Variants in STPG2 observed in about 807,000 individuals in gnomAD.
STPG2 encodes the protein sperm-tail PG-rich repeat-containing protein 2.
A neutral mutation model predicts 54.2 loss-of-function variants in STPG2; 56 were observed. The ratio of observed to expected loss-of-function variants is 1.03; its 90% CI spans 0.83 to 1.29. The LOEUF is 1.29. STPG2 is among the 50% of genes most tolerant of loss of function. The pLI, the probability that STPG2 is intolerant of heterozygous loss-of-function variation, is 0.00. For synonymous variants in STPG2, 200 were observed against 181.8 expected, an observed-to-expected ratio of 1.10 and a Z score of -0.81; for missense variants, 596 against 544.9, an observed-to-expected ratio of 1.09 and a Z score of -0.93.
At chr4:97,913,745 C>T (rs951811402) in intron 8 of STPG2, among the ~76,000 whole-genome samples, 1 of 152,036 alleles carries the variant, frequency 6.6e-6, no homozygotes, top group Non-Finnish European at 1.5e-5. Flanking sequence ...CAATAGGTTT[C>T]AAATTTTAAA....
intron 5 of STPG2, among the ~76,000 whole-genome samples, chr4:98,009,890 G>A (rs1437105161): frequency 6.6e-6 from 1 of 151,718 alleles, no homozygotes; most frequent in Non-Finnish European, 1.5e-5. Context: ...TCAGTTTGTT[G>A]GCATATAGTT....
At chr4:97,829,651 T>C (rs1728383080) in intron 9 of STPG2, among the ~76,000 whole-genome samples, 1 of 152,054 alleles carries the variant, frequency 6.6e-6, no homozygotes, top group Non-Finnish European at 1.5e-5. Flanking sequence ...AATTGTTAAA[T>C]AGAATAACCA....
chr4:97,632,889 T>A (rs1391222771), intron 10 of STPG2, among the ~76,000 whole-genome samples: 1 of 152,162 alleles, frequency 6.6e-6, no homozygotes, highest in Admixed American at 6.5e-5. Context: ...CAATTATTCA[T>A]TCAACAACAA....
intron 5 of STPG2, among the ~76,000 whole-genome samples, chr4:98,099,988 A>G (rs1171744250): frequency 6.6e-6 from 1 of 152,160 alleles, no homozygotes; most frequent in Non-Finnish European, 1.5e-5. Context: ...GCATACCTAT[A>G]TCAAAATAGC....
At chr4:97,682,705 C>A (rs972952406) in intron 10 of STPG2, among the ~76,000 whole-genome samples, 1 of 151,732 alleles carries the variant, frequency 6.6e-6, no homozygotes, top group African/African-American at 2.4e-5. Flanking sequence ...TATCCATCAC[C>A]ATTATCAGAT....
At chr4:97,797,702 C>T (rs925472281) in intron 9 of STPG2, among the ~76,000 whole-genome samples, 31 of 152,058 alleles carry the variant, frequency 2.0e-4, no homozygotes, top group Admixed American at 5.2e-4. Context: ...GCTGGCCTCA[C>T]AAATGAGTTA....
At chr4:97,553,140 A>G (rs191505016) in intron 4 of STPG2, among the ~76,000 whole-genome samples, 41 of 152,240 alleles carry the variant, frequency 2.7e-4, no homozygotes, top group Non-Finnish European at 4.7e-4. Flanking sequence ...CTTACATTCT[A>G]TTTCTTTATG....
At chr4:98,016,058 G>T (rs1458050724) in intron 5 of STPG2, among the ~76,000 whole-genome samples, 1 of 152,132 alleles carries the variant, frequency 6.6e-6, no homozygotes, top group Non-Finnish European at 1.5e-5. Flanking sequence ...GGCCTGTGTG[G>T]GGGTGGAAGG....
chr4:97,951,149 ACACTCCTGACT>A (rs1340761213), intron 7 of STPG2, among the ~76,000 whole-genome samples: 1 of 152,148 alleles, frequency 6.6e-6, no homozygotes, highest in Non-Finnish European at 1.5e-5. Flanking sequence ...CAACCAATCA[ACACTCCTGACT>A]CACTGTCCCC....
intron 9 of STPG2, among the ~76,000 whole-genome samples, chr4:97,754,925 C>T (rs1725685045): frequency 6.6e-6 from 1 of 152,090 alleles, no homozygotes; most frequent in Non-Finnish European, 1.5e-5. Context: ...GAACCACAAC[C>T]ATGACACAGA....
At chr4:97,856,785 G>A (rs1257596057) in intron 8 of STPG2, among the ~76,000 whole-genome samples, 1 of 152,140 alleles carries the variant, frequency 6.6e-6, no homozygotes, top group Non-Finnish European at 1.5e-5. Context: ...GTACAATATT[G>A]GCTGTGGGTT....
chr4:98,023,767 G>A (rs1426078918), intron 5 of STPG2, among the ~76,000 whole-genome samples: 1 of 152,144 alleles, frequency 6.6e-6, no homozygotes, highest in Non-Finnish European at 1.5e-5. Context: ...CTGCCACCTT[G>A]CAGTTTGATC....
chr4:97,586,183 GA>G (rs1319212865), intron 10 of STPG2, among the ~76,000 whole-genome samples: 3 of 151,778 alleles, frequency 2.0e-5, no homozygotes, highest in Non-Finnish European at 4.4e-5. Flanking sequence ...TTCAGTAATA[GA>G]AAACTCCCTG....
chr4:97,882,957 T>C (rs867160294), intron 8 of STPG2, among the ~76,000 whole-genome samples: 11 of 146,056 alleles, frequency 7.5e-5, no homozygotes, highest in African/African-American at 2.8e-4. Context: ...TTGTAAAGAA[T>C]CTACACATAC....
intron 10 of STPG2, among the ~76,000 whole-genome samples, chr4:97,613,794 T>C (rs1331097653): frequency 6.6e-6 from 1 of 152,098 alleles, no homozygotes; most frequent in Non-Finnish European, 1.5e-5. Flanking sequence ...GCTTCTATCC[T>C]TTTGAGGTTT....
chr4:97,663,206 A>C (rs574807383), intron 10 of STPG2, among the ~76,000 whole-genome samples: 2 of 152,288 alleles, frequency 1.3e-5, no homozygotes, highest in East Asian at 3.9e-4. Context: ...AAGCATATTT[A>C]ATACTCACTA....
chr4:98,032,635 T>A (rs1451416304), intron 5 of STPG2, among the ~76,000 whole-genome samples: 2 of 152,176 alleles, frequency 1.3e-5, no homozygotes, highest in Non-Finnish European at 2.9e-5. Flanking sequence ...ATCAACAGAA[T>A]ATACATTTTT....
chr4:98,084,583 T>A (rs112790496), intron 5 of STPG2, among the ~76,000 whole-genome samples: 1 of 152,210 alleles, frequency 6.6e-6, no homozygotes, highest in Non-Finnish European at 1.5e-5. Context: ...AAGGGATGTA[T>A]GAAGAGTTCT....
At chr4:98,081,962 C>T (rs1738355858) in intron 5 of STPG2, among the ~76,000 whole-genome samples, 1 of 152,148 alleles carries the variant, frequency 6.6e-6, no homozygotes, top group Non-Finnish European at 1.5e-5. Context: ...GCAGTAAATA[C>T]TAAAAGCCCT....
Sources: gnomAD v4.1 joint callset for allele counts (sites outside exome capture counted in the v4.1 genomes callset) on GRCh38, gnomAD v4.1.1 for gene constraint, MANE v1.5 for transcripts, NCBI Gene and HGNC (gene_info 2026-07-23, HGNC 2026-07-21) for gene names.